The following SLC9A9 variants were observed in gnomAD, a reference collection of about 807,000 sequenced individuals.
SLC9A9 encodes solute carrier family 9 member A9.
Under a neutral mutation model 77.8 loss-of-function variants are expected in SLC9A9, and 62 were observed. The observed-to-expected ratio is 0.80, with a 90% CI of 0.65 to 0.98. SLC9A9 has a LOEUF of 0.98. Ranked by LOEUF, SLC9A9 falls within the 50% of genes least tolerant of loss-of-function variation. The pLI is 0.00. For missense variants in SLC9A9, 775 were observed against 774.9 expected (o/e 1.00, Z 0.00); for synonymous variants, 320 against 283.5 (o/e 1.13, Z -1.29).
chr3:143,765,832 C>A (rs2007296244), intron 4 of SLC9A9, among the ~76,000 whole-genome samples: 1 of 152,190 alleles, frequency 6.6e-6, no homozygotes, highest in Non-Finnish European at 1.5e-5. Flanking sequence ...AGGCATGTAG[C>A]CTGCTTTGTC....
rs1342748210 is a variant in SLC9A9 at position 143,832,292 on chromosome 3, G to T, written c.176-71C>A. 4 of 1,349,590 alleles carry T rather than the reference G, an allele frequency of 3.0e-6. No homozygotes were observed. The South Asian group carries it at 4.9e-5, about 16-fold the overall frequency. The allele number at this position is 1,349,590 out of a possible 1,614,324, so 83.6% of individuals were successfully genotyped here. On this transcript the variant is annotated intron_variant, in intron 1 of 15. Coordinates refer to ENST00000316549, the MANE Select transcript of SLC9A9 (RefSeq NM_173653.4). The stretch of plus-strand genomic sequence containing the variant: ...AAATGCCACTATTGGAAACCTATAT[G>T]ATTTGGAACCTTCAGAAGTGACAGG...
chr3:143,808,314 AG>A (rs1389613690), intron 2 of SLC9A9, among the ~76,000 whole-genome samples: 7 of 152,216 alleles, frequency 4.6e-5, no homozygotes, highest in African/African-American at 1.7e-4. Flanking sequence ...TGAGTAAAAA[AG>A]CTTTTTGGAC....
chr3:143,783,766 A>G (rs976335316), intron 4 of SLC9A9, among the ~76,000 whole-genome samples: 1 of 152,200 alleles, frequency 6.6e-6, no homozygotes, highest in Non-Finnish European at 1.5e-5. Context: ...ATTATGTTTG[A>G]CAGTTTTGGT....
At chr3:143,377,621 C>A (rs2033209347) in intron 13 of SLC9A9, among the ~76,000 whole-genome samples, 1 of 152,084 alleles carries the variant, frequency 6.6e-6, no homozygotes, top group African/African-American at 2.4e-5. Flanking sequence ...CGTCGAGAAA[C>A]CATTAAGTAA....
chr3:143,458,390 T>C (rs762275065), intron 12 of SLC9A9, among the ~76,000 whole-genome samples: 9 of 152,162 alleles, frequency 5.9e-5, no homozygotes, highest in Non-Finnish European at 8.8e-5. Context: ...TGACAATCTC[T>C]TTTAACTGAT....
intron 6 of SLC9A9, among the ~76,000 whole-genome samples, chr3:143,583,754 CCT>C (rs2037494507): frequency 6.6e-6 from 1 of 152,114 alleles, no homozygotes; most frequent in Admixed American, 6.5e-5. Flanking sequence ...AAATAAATCA[CCT>C]CTCTCTCTGA....
chr3:143,507,160 A>T (rs1030590613), intron 9 of SLC9A9, among the ~76,000 whole-genome samples: 6 of 151,860 alleles, frequency 4.0e-5, no homozygotes, highest in Admixed American at 6.6e-5. Flanking sequence ...TATACCTCCT[A>T]TCCCGACACA....
intron 6 of SLC9A9, among the ~76,000 whole-genome samples, chr3:143,603,297 G>A (rs2037873023): frequency 6.6e-6 from 1 of 152,202 alleles, no homozygotes. Flanking sequence ...TACTGTGGTA[G>A]GCAGCCTTCA....
At chr3:143,494,572 T>C (rs116648044) in intron 10 of SLC9A9, among the ~76,000 whole-genome samples, 4,186 of 152,362 alleles carry the variant, frequency 0.027, 68 homozygotes, top group Non-Finnish European at 0.038. Context: ...CTGCTGGCTG[T>C]TCGGATTATC....
intron 6 of SLC9A9, among the ~76,000 whole-genome samples, chr3:143,603,198 A>G (rs1249105077): frequency 6.6e-6 from 1 of 152,218 alleles, no homozygotes; most frequent in Non-Finnish European, 1.5e-5. Flanking sequence ...TCATCTCTGA[A>G]TGGTCTTCAT....
chr3:143,758,584 G>C (rs1322322511), intron 4 of SLC9A9, among the ~76,000 whole-genome samples: 2 of 152,124 alleles, frequency 1.3e-5, no homozygotes, highest in African/African-American at 4.8e-5. Context: ...ACAAGCCAAG[G>C]TGGGGGTAGT....
chr3:143,368,580 T>C (rs376585768), intron 13 of SLC9A9, among the ~76,000 whole-genome samples: 36 of 152,324 alleles, frequency 2.4e-4, no homozygotes, highest in African/African-American at 8.4e-4. Context: ...TATTCAATAT[T>C]AATGTCAGTG....
intron 2 of SLC9A9, among the ~76,000 whole-genome samples, chr3:143,812,156 A>G (rs6801948): frequency 0.98 from 149,496 of 152,320 alleles, 73,376 homozygotes; most frequent in East Asian, 1. Flanking sequence ...TGGCTACTGG[A>G]AATATACTTT....
intron 14 of SLC9A9, among the ~76,000 whole-genome samples, chr3:143,290,016 T>C (rs1938493804): frequency 6.6e-6 from 1 of 152,228 alleles, no homozygotes; most frequent in Non-Finnish European, 1.5e-5. Flanking sequence ...AGTGTGGACT[T>C]CACCACTGTC....
At chr3:143,282,377 T>A (rs1164186391) in intron 14 of SLC9A9, among the ~76,000 whole-genome samples, 1 of 152,260 alleles carries the variant, frequency 6.6e-6, no homozygotes, top group Non-Finnish European at 1.5e-5. Flanking sequence ...TATCTTTGCA[T>A]GTTTTGTTCC....
chr3:143,353,741 C>T (rs746250546), intron 14 of SLC9A9, among the ~76,000 whole-genome samples: 19 of 151,960 alleles, frequency 1.3e-4, no homozygotes, highest in Non-Finnish European at 2.5e-4. Flanking sequence ...ATCTCTGTGG[C>T]TTAGGAGAAG....
At chr3:143,373,864 G>A (rs185580997) in intron 13 of SLC9A9, among the ~76,000 whole-genome samples, 1 of 152,206 alleles carries the variant, frequency 6.6e-6, no homozygotes, top group Non-Finnish European at 1.5e-5. Context: ...TGGAGGGCTA[G>A]AAAGAGGGCA....
At chr3:143,834,232 G>A (rs894037183) in intron 1 of SLC9A9, among the ~76,000 whole-genome samples, 8 of 152,082 alleles carry the variant, frequency 5.3e-5, no homozygotes, top group East Asian at 1.9e-4. Flanking sequence ...TTATAGATAC[G>A]TAACCCTCAC....
At chr3:143,587,837 A>T (rs1305732337) in intron 6 of SLC9A9, among the ~76,000 whole-genome samples, 2 of 152,216 alleles carry the variant, frequency 1.3e-5, no homozygotes, top group Admixed American at 1.3e-4. Flanking sequence ...GACCTGACAA[A>T]TAACAGCAGA....
Sources: allele counts gnomAD v4.1 joint callset (sites outside exome capture counted in the v4.1 genomes callset), GRCh38; gene constraint gnomAD v4.1.1; transcripts MANE v1.5; gene names NCBI Gene and HGNC (gene_info 2026-07-23, HGNC 2026-07-21).